Variants in RELN observed in about 807,000 individuals in gnomAD.
The protein encoded by RELN is reelin.
Under a neutral mutation model 427.6 loss-of-function variants are expected in RELN, and 108 were observed. The observed-to-expected ratio is 0.25, with a 90% CI of 0.22 to 0.30. The LOEUF (loss-of-function observed/expected upper bound fraction) is 0.30, where lower values mean the gene tolerates loss of function less well. RELN is among the 10% of genes least tolerant of loss of function. RELN has a pLI of 1.00. For synonymous variants in RELN, 1,524 were observed against 1,513.4 expected (o/e 1.01, Z -0.16); for missense variants, 3,715 against 4,302.8 (o/e 0.86, Z 3.82).
intron 33 of RELN, 90 bp from the exon 34 acceptor site, chr7:103,565,641 A>T: frequency 7.7e-7 from 1 of 1,300,414 alleles, no homozygotes; most frequent in Non-Finnish European, 1.1e-6. Flanking sequence ...TCAATAGCAA[A>T]CAAAAATCAT....
chr7:103,550,416 C>G (rs1438473514), intron 41 of RELN, among the ~76,000 whole-genome samples: 1 of 152,104 alleles, frequency 6.6e-6, no homozygotes, highest in African/African-American at 2.4e-5. Flanking sequence ...AATTTGGAGG[C>G]AGACTGCTCT....
intron 4 of RELN, among the ~76,000 whole-genome samples, chr7:103,762,085 C>T (rs1791315760): frequency 6.6e-6 from 1 of 152,120 alleles, no homozygotes; most frequent in Admixed American, 6.5e-5. Context: ...CTATAGCTTC[C>T]TGTGACAAAG....
intron 1 of RELN, among the ~76,000 whole-genome samples, chr7:103,960,725 CTGTG>C (rs778478777): frequency 3.9e-5 from 6 of 152,134 alleles, no homozygotes; most frequent in Non-Finnish European, 7.3e-5. Flanking sequence ...ATGTGCCTGC[CTGTG>C]TATGTACATG....
At chr7:103,638,051 AG>A (rs1309256321) in intron 17 of RELN, among the ~76,000 whole-genome samples, 4 of 149,658 alleles carry the variant, frequency 2.7e-5, no homozygotes, top group African/African-American at 1.0e-4. Context: ...ATAAAGATAA[AG>A]TAGTTTTTTA....
At chr7:103,553,622 T>C (rs373666729) in intron 39 of RELN, 38 bp downstream of exon 39, 59 of 1,612,808 alleles carry the variant, frequency 3.7e-5, no homozygotes, top group Non-Finnish European at 4.7e-5. Context: ...ATGATTTGTA[T>C]ACAGCAGTGG....
In RELN at chr7:103,904,975, C is replaced by CTCTTTTTT. The variant is rs1454120263; in HGVS notation, c.337+12099_337+12100insAAAAAAGA. On this transcript the variant is annotated intron_variant, in intron 2 of 64. Transcript: ENST00000428762. ...ACTGCCAATCCCTTGAAGTTCTTTC[C>CTCTTTTTT]TTTTTTTTTTTTTTTTTTTTTTTTT... 5.2e-5 allele frequency among the ~76,000 whole-genome samples: 4 copies of CTCTTTTTT among 77,364 alleles called. No homozygotes were observed. In the East Asian group the frequency reaches 1.8e-3, roughly 35 times the overall value. 50.8% of individuals were successfully genotyped at this position (77,364 alleles called of 152,430 possible).
chr7:103,800,217 T>C (rs1412336971), intron 3 of RELN, among the ~76,000 whole-genome samples: 1 of 152,190 alleles, frequency 6.6e-6, no homozygotes, highest in Non-Finnish European at 1.5e-5. Context: ...GCAGATGACA[T>C]GATTGTATAT....
At chr7:103,623,273 C>CTGCT (rs1328722730) in intron 20 of RELN, among the ~76,000 whole-genome samples, 1 of 152,196 alleles carries the variant, frequency 6.6e-6, no homozygotes, top group African/African-American at 2.4e-5. Flanking sequence ...TGACTTCCTT[C>CTGCT]AGCAGTACAA....
rs1288993333 is a variant in RELN, at chr7:103,483,699, G to C, written c.10135C>G (p.Pro3379Ala). ...CTCTGAGCTTGTGTGAAGTCCTTTG[G>C]CTGGTGCTGGGCGATGACATGCCAG... is the stretch of plus-strand genomic sequence containing the variant. ...ITWHVIAQHQ[P>A]KDFTQAQRVS... The change falls in exon 62 of 65, where the codon CCA becomes GCA. Residue 3379 changes from proline (P) to alanine (A), a missense_variant. By Grantham distance (27) the Pro-to-Ala change is conservative (BLOSUM62 -1). Coordinates refer to ENST00000428762, the MANE Select transcript of RELN (RefSeq NM_005045.4). 6.2e-7 allele frequency: 1 copy of C among 1,614,138 alleles called. No individual in the cohort carries two copies. Among genetic ancestry groups the C allele is most frequent in the South Asian group, 1.1e-5 (1 of 91,076 alleles).
chr7:103,717,458 T>C (rs1286459380), intron 8 of RELN, among the ~76,000 whole-genome samples: 1 of 150,054 alleles, frequency 6.7e-6, no homozygotes, highest in African/African-American at 2.5e-5. Flanking sequence ...TTAGTTAACA[T>C]AGAGGTATTC....
intron 46 of RELN, among the ~76,000 whole-genome samples, chr7:103,531,771 A>AC (rs562440479): frequency 2.1e-3 from 325 of 152,256 alleles, no homozygotes; most frequent in African/African-American, 7.4e-3. Context: ...CAAAAGTAAA[A>AC]AAAACAAAAC....
At chr7:103,826,352 G>GTGTGTGTGTGTGTGTC (rs1793141069) in intron 3 of RELN, among the ~76,000 whole-genome samples, 1 of 145,580 alleles carries the variant, frequency 6.9e-6, no homozygotes, top group Non-Finnish European at 1.5e-5. Flanking sequence ...GTGTGTGTGT[G>GTGTGTGTGTGTGTGTC]TGTGTGTATA....
In RELN at chr7:103,937,219, A is replaced by G. The variant is rs1584383576; in HGVS notation, c.227-20034T>C. Among the ~76,000 whole-genome samples, 4 of 152,360 alleles carry G rather than the reference A, an allele frequency of 2.6e-5. No individual in the cohort carries two copies. The East Asian group carries it at 5.8e-4, about 22-fold the overall frequency. On this transcript the variant is annotated intron_variant, in intron 1 of 64. Transcript: ENST00000428762. The stretch of plus-strand genomic sequence containing the variant: ...ATTAATCAATTCATTAGAAGAAAGA[A>G]AACCTGGTCTCAAATCACCTGTCAC...
At chr7:103,495,422 A>G (rs1056568783) in intron 57 of RELN, among the ~76,000 whole-genome samples, 1 of 151,174 alleles carries the variant, frequency 6.6e-6, no homozygotes, top group African/African-American at 2.4e-5. Flanking sequence ...CTCCTGCCCC[A>G]GCCTCCCAAA....
At chr7:103,562,070 T>G in intron 34 of RELN, 117 bp from the exon 35 acceptor site, 1 of 1,216,214 alleles carries the variant, frequency 8.2e-7, no homozygotes, top group Non-Finnish European at 1.2e-6. Context: ...CAGGGTCCAG[T>G]TCTCTCTTTC....
At chr7:103,853,128 TAAAATAGATTGCGGGG>T (rs1170283051) in intron 2 of RELN, among the ~76,000 whole-genome samples, 1 of 151,988 alleles carries the variant, frequency 6.6e-6, no homozygotes, top group Non-Finnish European at 1.5e-5. Flanking sequence ...CCCTCATATT[TAAAATAGATTGCGGGG>T]AAAATAGACA....
At chr7:103,667,004 T>G (rs766927247) in intron 11 of RELN, among the ~76,000 whole-genome samples, 32 of 152,230 alleles carry the variant, frequency 2.1e-4, no homozygotes, top group Non-Finnish European at 4.1e-4. Context: ...CTGAACTGCC[T>G]AAGTTTCAGC....
At chr7:103,814,011 A>G (rs1464223984) in intron 3 of RELN, among the ~76,000 whole-genome samples, 2 of 152,044 alleles carry the variant, frequency 1.3e-5, no homozygotes, top group Non-Finnish European at 2.9e-5. Context: ...TTCTTTCTCT[A>G]CCTTTACATA....
rs754483450 is a variant in RELN, at chr7:103,495,854, C to G, written c.9238G>C (p.Val3080Leu). The G allele has an allele frequency of 2.5e-6, 4 of 1,613,832 alleles. No homozygotes were observed. Among genetic ancestry groups the G allele is most frequent in the Non-Finnish European group, 3.4e-6 (4 of 1,179,880 alleles). The change falls in exon 57 of 65, where the codon GTA (valine) becomes CTA (leucine). Residue 3080 changes from valine (V) to leucine (L), a missense_variant. Transcript: ENST00000428762. The part of the protein sequence containing the change: ...EENWSFYPNA[V>L]RTAGFCGNPS... ...TTGCCACAAAATCCTGCTGTCCTTA[C>G]AGCATTAGGGTAAAAACTCCAGTTT...
Sources: gnomAD v4.1 joint callset for allele counts (sites outside exome capture counted in the v4.1 genomes callset) on GRCh38, gnomAD v4.1.1 for gene constraint, MANE v1.5 for transcripts, NCBI Gene and HGNC (gene_info 2026-07-23, HGNC 2026-07-21) for gene names.